LRBA: variants seen among roughly 807,000 people sequenced by gnomAD.
LRBA encodes the protein LPS responsive beige-like anchor protein, also known as lipopolysaccharide-responsive and beige-like anchor protein.
In LRBA, 176 loss-of-function variants were observed where a neutral mutation model predicts 330.0. The observed-to-expected ratio is 0.53, with a 90% CI of 0.47 to 0.60. The LOEUF is 0.60. Ranked by LOEUF, LRBA falls within the 20% of genes least tolerant of loss-of-function variation. LRBA has a pLI of 0.00. For synonymous variants in LRBA, 1,230 were observed against 1,193.0 expected (o/e 1.03, Z -0.64); for missense variants, 3,259 against 3,444.8 (o/e 0.95, Z 1.35).
chr4:150,787,318 T>C (rs568254650), intron 34 of LRBA, among the ~76,000 whole-genome samples: 11 of 152,162 alleles, frequency 7.2e-5, no homozygotes, highest in Non-Finnish European at 1.6e-4. Flanking sequence ...CACTGCCTAA[T>C]AAGATCCTTT....
intron 22 of LRBA, among the ~76,000 whole-genome samples, chr4:150,853,350 C>G (rs973466720): frequency 2.0e-5 from 3 of 152,148 alleles, no homozygotes; most frequent in African/African-American, 7.2e-5. Context: ...GACTTGTCCG[C>G]AGGAGAGATT....
intron 44 of LRBA, among the ~76,000 whole-genome samples, chr4:150,447,613 C>T (rs1051597967): frequency 4.6e-5 from 7 of 152,186 alleles, no homozygotes; most frequent in Non-Finnish European, 7.4e-5. Context: ...TCACATCAGC[C>T]GATTTCTCAT....
At chr4:150,492,624 T>G (rs1759105318) in intron 40 of LRBA, among the ~76,000 whole-genome samples, 1 of 152,116 alleles carries the variant, frequency 6.6e-6, no homozygotes, top group Non-Finnish European at 1.5e-5. Flanking sequence ...CCTCAAAATT[T>G]TAAAATACAA....
chr4:150,574,514 G>C (rs908518248), intron 40 of LRBA, among the ~76,000 whole-genome samples: 1 of 151,982 alleles, frequency 6.6e-6, no homozygotes, highest in Non-Finnish European at 1.5e-5. Flanking sequence ...ATAGTGACTT[G>C]ATCAAAGTCA....
At chr4:150,604,330 T>TTAAG in intron 37 of LRBA, among the ~76,000 whole-genome samples, 1 of 151,104 alleles carries the variant, frequency 6.6e-6, no homozygotes, top group Admixed American at 6.6e-5. Flanking sequence ...CTTGAGCCCA[T>TTAAG]AAGTTGGAGG....
intron 2 of LRBA, among the ~76,000 whole-genome samples, chr4:151,001,456 G>T (rs1010129911): frequency 2.6e-4 from 39 of 152,092 alleles, no homozygotes; most frequent in African/African-American, 8.7e-4. Flanking sequence ...CCATGCCAAA[G>T]CGTGCAGACT....
intron 48 of LRBA, among the ~76,000 whole-genome samples, chr4:150,343,004 C>T (rs913173656): frequency 6.7e-6 from 1 of 148,288 alleles, no homozygotes; most frequent in South Asian, 2.1e-4. Context: ...GATATTAAAG[C>T]ACCTTAGAGA....
At chr4:150,755,379 C>A (rs564084571) in intron 35 of LRBA, among the ~76,000 whole-genome samples, 2 of 152,160 alleles carry the variant, frequency 1.3e-5, no homozygotes, top group African/African-American at 4.8e-5. Flanking sequence ...GGATAATCTG[C>A]CCTTTCTGTG....
intron 48 of LRBA, among the ~76,000 whole-genome samples, chr4:150,340,647 C>A (rs1581058144): frequency 6.6e-6 from 1 of 152,180 alleles, no homozygotes; most frequent in South Asian, 2.1e-4. Context: ...AAGTGCTTTT[C>A]ATATGTGACT....
intron 37 of LRBA, among the ~76,000 whole-genome samples, chr4:150,628,867 G>T (rs1777101380): frequency 6.6e-6 from 1 of 152,154 alleles, no homozygotes; most frequent in African/African-American, 2.4e-5. Context: ...TGGATAACAA[G>T]TATTAATATA....
chr4:150,310,553 G>A (rs1015374313), intron 51 of LRBA, 169 bp from the exon 52 acceptor site: 2 of 503,086 alleles, frequency 4.0e-6, no homozygotes, highest in Non-Finnish European at 6.9e-6. Flanking sequence ...GGAAAAATGT[G>A]GGTAGCTAAA....
At chr4:150,981,592 A>C (rs750013808) in intron 2 of LRBA, among the ~76,000 whole-genome samples, 1 of 152,102 alleles carries the variant, frequency 6.6e-6, no homozygotes, top group Non-Finnish European at 1.5e-5. Context: ...CACACAGACC[A>C]GAAGAACAGA....
intron 38 of LRBA, among the ~76,000 whole-genome samples, chr4:150,597,413 C>A (rs1282151199): frequency 2.6e-5 from 4 of 151,574 alleles, no homozygotes; most frequent in African/African-American, 9.7e-5. Context: ...AAATCTATAC[C>A]ACAAATTTTA....
chr4:150,938,416 G>A (rs1319221386), intron 2 of LRBA, among the ~76,000 whole-genome samples: 1 of 152,106 alleles, frequency 6.6e-6, no homozygotes, highest in Non-Finnish European at 1.5e-5. Flanking sequence ...ACAAAGCTGT[G>A]ACACAGACTG....
chr4:150,792,907 C>T (rs896446391), intron 34 of LRBA, among the ~76,000 whole-genome samples: 1 of 152,132 alleles, frequency 6.6e-6, no homozygotes, highest in Admixed American at 6.5e-5. Context: ...ATGGTGAAAC[C>T]CCGTCTCTAA....
chr4:150,394,491 C>T (rs770888170), intron 47 of LRBA, among the ~76,000 whole-genome samples: 7 of 151,964 alleles, frequency 4.6e-5, no homozygotes, highest in Non-Finnish European at 1.0e-4. Flanking sequence ...TTACAAGTAA[C>T]GGAGGAGGGG....
chr4:150,310,465 T>G, intron 51 of LRBA, 81 bp from the exon 52 acceptor site: 1 of 873,048 alleles, frequency 1.1e-6, no homozygotes, highest in Non-Finnish European at 1.8e-6. Flanking sequence ...AGGAGACACA[T>G]TCCCAGATAA....
chr4:150,632,353 G>C (rs771428449), intron 37 of LRBA, among the ~76,000 whole-genome samples: 5 of 152,056 alleles, frequency 3.3e-5, no homozygotes, highest in South Asian at 2.1e-4. Flanking sequence ...CTAAATAGCA[G>C]AATTAGGCAA....
rs764976386 is a variant in LRBA at position 150,623,756 on chromosome 4, C to T, written c.5922-24625G>A. On this transcript the variant is annotated intron_variant, in intron 37 of 56. Coordinates refer to ENST00000651943, the MANE Select transcript of LRBA (RefSeq NM_001364905.1). ...AAAAAAAAATCTTGCCAATTTGAAT[C>T]GTGAACTGAGAAGAATGTTCCCCAC... 3.3e-5 allele frequency among the ~76,000 whole-genome samples: 5 copies of T among 152,040 alleles called. No homozygotes were observed. In the East Asian group the frequency reaches 5.8e-4, roughly 18 times the overall value.
Sources: allele counts gnomAD v4.1 joint callset (sites outside exome capture counted in the v4.1 genomes callset), GRCh38; gene constraint gnomAD v4.1.1; transcripts MANE v1.5; gene names NCBI Gene and HGNC (gene_info 2026-07-23, HGNC 2026-07-21).